The following TUSC3 variants were observed in gnomAD, a reference collection of about 807,000 sequenced individuals.
TUSC3 encodes dolichyl-diphosphooligosaccharide--protein glycosyltransferase subunit TUSC3.
TUSC3 carries 45 observed loss-of-function variants against 44.8 expected under a neutral mutation model. The ratio of observed to expected loss-of-function variants is 1.00; its 90% CI spans 0.79 to 1.29. The LOEUF (loss-of-function observed/expected upper bound fraction) is 1.29, where lower values mean the gene tolerates loss of function less well. TUSC3 is among the 50% of genes most tolerant of loss of function. The pLI, the probability that TUSC3 is intolerant of heterozygous loss-of-function variation, is 0.00. For synonymous variants in TUSC3, 212 were observed against 152.9 expected (o/e 1.39, Z -2.85); for missense variants, 519 against 437.9 (o/e 1.19, Z -1.65).
At chr8:15,425,232 A>T (rs562991105) in intron 1 of TUSC3, among the ~76,000 whole-genome samples, 1 of 152,322 alleles carries the variant, frequency 6.6e-6, no homozygotes, top group East Asian at 1.9e-4. Flanking sequence ...GAAACAGTGG[A>T]AAAAATGACA....
chr8:15,670,956 CAAATA>C (rs1352917480), intron 5 of TUSC3, among the ~76,000 whole-genome samples: 2 of 151,826 alleles, frequency 1.3e-5, no homozygotes. Context: ...CAGGGAAATG[CAAATA>C]AAATGACAGT....
At chr8:15,436,245 C>A (rs1799943725) in intron 1 of TUSC3, among the ~76,000 whole-genome samples, 1 of 152,180 alleles carries the variant, frequency 6.6e-6, no homozygotes, top group Non-Finnish European at 1.5e-5. Flanking sequence ...ACAGTCACAT[C>A]TGCTGCCTGG....
At chr8:15,769,517 GGAC>G (rs1443006983), downstream of TUSC3, among the ~76,000 whole-genome samples, 1 of 152,062 alleles carries the variant, frequency 6.6e-6, no homozygotes, top group Admixed American at 6.6e-5. Context: ...ACACAGGCAT[GGAC>G]AAAGACTTCA....
intron 2 of TUSC3, among the ~76,000 whole-genome samples, chr8:15,648,350 C>G (rs117502155): frequency 9.4e-4 from 143 of 152,146 alleles, no homozygotes; most frequent in Admixed American, 1.6e-3. Context: ...TCTGCATGTT[C>G]TCACTGGGTA....
In TUSC3 at chr8:15,521,771, C is replaced by T. The variant is rs531702131; in HGVS notation, n.189+38288C>T. Reference sequence around the variant, plus strand: ...GAAATGTGTCTCAGAACTGATACCTCCATTTGGCCATTGGCTCCTCTTTCT... The same window carrying T: ...GAAATGTGTCTCAGAACTGATACCTTCATTTGGCCATTGGCTCCTCTTTCT... On this transcript the variant is annotated intron_variant and non_coding_transcript_variant, in intron 2 of 5. Transcript: ENST00000503191. Among the ~76,000 whole-genome samples the T allele has an allele frequency of 5.3e-5, 8 of 152,290 alleles. No homozygotes were observed. The East Asian group carries it at 9.7e-4, about 18-fold the overall frequency.
chr8:15,437,453 A>G (rs1424544453), intron 1 of TUSC3, among the ~76,000 whole-genome samples: 1 of 152,166 alleles, frequency 6.6e-6, no homozygotes, highest in East Asian at 1.9e-4. Flanking sequence ...TGTGGCTGTT[A>G]TAAGTGCTTA....
At chr8:15,499,795 C>T (rs538538503) in intron 2 of TUSC3, among the ~76,000 whole-genome samples, 10 of 152,212 alleles carry the variant, frequency 6.6e-5, no homozygotes, top group South Asian at 4.2e-4. Context: ...TGTTCTTTTT[C>T]CTCCCTGCAG....
intron 1 of TUSC3, among the ~76,000 whole-genome samples, chr8:15,441,885 C>T (rs1563251755): frequency 1.3e-5 from 2 of 152,086 alleles, no homozygotes; most frequent in South Asian, 4.1e-4. Context: ...TAGATACCAG[C>T]TATATGAATG....
intron 5 of TUSC3, among the ~76,000 whole-genome samples, chr8:15,667,553 A>C (rs1807724144): frequency 6.6e-6 from 1 of 151,716 alleles, no homozygotes; most frequent in Admixed American, 6.6e-5. Context: ...GGATTGTATA[A>C]AATGTGTATA....
At chr8:15,649,228 G>A (rs1380239924) in intron 2 of TUSC3, among the ~76,000 whole-genome samples, 4 of 151,840 alleles carry the variant, frequency 2.6e-5, no homozygotes, top group Admixed American at 6.6e-5. Flanking sequence ...TCGTTGCGGT[G>A]GGGATGAAGG....
At chr8:15,423,113 T>G (rs1187101219) in intron 1 of TUSC3, among the ~76,000 whole-genome samples, 3 of 152,148 alleles carry the variant, frequency 2.0e-5, no homozygotes, top group African/African-American at 7.2e-5. Flanking sequence ...AAAAAGTGTT[T>G]CTTAGTTTCT....
chr8:15,836,394 T>C, the TUSC3 span, among the ~76,000 whole-genome samples: 1 of 151,312 alleles, frequency 6.6e-6, no homozygotes, highest in Admixed American at 6.6e-5. Flanking sequence ...GCAGAATCCC[T>C]TGAATCTGGG....
At position 15,501,542 on chromosome 8, in the gene TUSC3, G is replaced by A. The variant is rs1455137825; in HGVS notation, n.189+18059G>A. On this transcript the variant is annotated intron_variant and non_coding_transcript_variant, in intron 2 of 5. Coordinates refer to the TUSC3 transcript ENST00000503191. The stretch of plus-strand genomic sequence containing the variant: ...GTTTATTGAATCTGGAATCATGGTA[G>A]GTTTTCTTTTCATCTTTTCAAATTG... 2.0e-5 allele frequency among the ~76,000 whole-genome samples: 3 copies of A among 152,142 alleles called. No homozygotes were observed. The East Asian group carries it at 5.8e-4, about 29-fold the overall frequency.
At chr8:15,640,622 C>T (rs913626283) in intron 2 of TUSC3, among the ~76,000 whole-genome samples, 2 of 152,126 alleles carry the variant, frequency 1.3e-5, no homozygotes, top group African/African-American at 2.4e-5. Context: ...GAACTAGGGA[C>T]AAAAAGAAAC....
the TUSC3 span, chr8:15,806,533 T>C: frequency 1.4e-6 from 2 of 1,382,992 alleles, no homozygotes; most frequent in Non-Finnish European, 2.1e-6. Context: ...CAAGCCTGGA[T>C]CTTACAAAAT....
intron 1 of TUSC3, among the ~76,000 whole-genome samples, chr8:15,447,053 GA>G (rs1023429887): frequency 1.3e-4 from 19 of 143,926 alleles, no homozygotes; most frequent in South Asian, 2.2e-4. Flanking sequence ...AAATGCAGAA[GA>G]AAAAAAAAAT....
intron 1 of TUSC3, among the ~76,000 whole-genome samples, chr8:15,439,055 A>G (rs953406181): frequency 6.6e-6 from 1 of 152,204 alleles, no homozygotes. Flanking sequence ...AGAGAGGGCT[A>G]TTTGACGGCA....
intron 1 of TUSC3, among the ~76,000 whole-genome samples, chr8:15,434,282 C>T (rs7814540): frequency 0.16 from 25,027 of 152,032 alleles, 2,108 homozygotes; most frequent in Middle Eastern, 0.22. Context: ...CTGGTATTAA[C>T]TGGCTGTTTG....
chr8:15,650,764 C>T lies in TUSC3; in HGVS notation c.376C>T (p.Leu126Phe). ...WRYSSAFCNK[L>F]FFSMVDYDEG... Reference sequence around the variant, plus strand: ...CTATTCATCTGCTTTTTGTAACAAGCTCTTCTTCAGTATGGTGGACTATGA... The same window carrying T: ...CTATTCATCTGCTTTTTGTAACAAGTTCTTCTTCAGTATGGTGGACTATGA... Residue 126 changes from leucine (L) to phenylalanine (F), a missense_variant, in exon 3 of 11, where the codon CTC becomes TTC. Transcript: ENST00000503731. The T allele has an allele frequency of 1.2e-6, 2 of 1,614,144 alleles. No individual in the cohort carries two copies. Among genetic ancestry groups the T allele is most frequent in the Non-Finnish European group, 1.7e-6 (2 of 1,180,030 alleles).
Sources: allele counts gnomAD v4.1 joint callset (sites outside exome capture counted in the v4.1 genomes callset), GRCh38; gene constraint gnomAD v4.1.1; transcripts MANE v1.5; gene names NCBI Gene and HGNC (gene_info 2026-07-23, HGNC 2026-07-21).